PCDH9: variants seen among roughly 807,000 people sequenced by gnomAD.
PCDH9 encodes protocadherin 9.
PCDH9 carries 24 observed loss-of-function variants against 70.6 expected under a neutral mutation model. The observed-to-expected ratio is 0.34, with a 90% CI of 0.25 to 0.48. PCDH9 has a LOEUF of 0.48. Ranked by LOEUF, PCDH9 falls within the 20% of genes least tolerant of loss-of-function variation. The probability of loss-of-function intolerance (pLI) is 0.99; values close to 1 mark genes in which losing one functional copy is unlikely to be tolerated. For missense variants in PCDH9, 1,281 were observed against 1,503.6 expected (o/e 0.85, Z 2.45); for synonymous variants, 562 against 558.5 (o/e 1.01, Z -0.09).
At chr13:66,327,030 G>T (rs1337172339) in intron 4 of PCDH9, among the ~76,000 whole-genome samples, 3 of 151,772 alleles carry the variant, frequency 2.0e-5, no homozygotes, top group East Asian at 3.9e-4. Flanking sequence ...CTCCAAGGCA[G>T]TCCAAATTGT....
Position 66,933,719 on chromosome 13 carries a change from A to C in PCDH9, c.3037-30114T>G, listed in dbSNP as rs144830312. Among the ~76,000 whole-genome samples, 64 of 152,298 alleles carry C rather than the reference A, an allele frequency of 4.2e-4. 2 individuals are homozygous for C. The East Asian group carries it at 0.012, about 28-fold the overall frequency. ...TCAACGTCAGGCAAACAAGGCAAGG[A>C]AAAGTGTCATCAATCAAATCTTAGA... On this transcript the variant is annotated intron_variant, in intron 2 of 4. Coordinates refer to ENST00000377865, the MANE Select transcript of PCDH9 (RefSeq NM_203487.3).
At chr13:66,822,175 A>G (rs1298782142) in intron 3 of PCDH9, among the ~76,000 whole-genome samples, 1 of 151,050 alleles carries the variant, frequency 6.6e-6, no homozygotes, top group Non-Finnish European at 1.5e-5. Context: ...TATAGACATA[A>G]CTACTAAGAT....
rs201107022 is a variant in PCDH9, at chr13:66,633,338, A to G, written c.3139-1927T>C. On this transcript the variant is annotated intron_variant, in intron 3 of 4. Transcript: ENST00000377865. ...GTGAGTGCTATAGAAAAGGCAAGCTAAGCTTGAATATTAATATCTGAAATG... is the reference window on the plus strand; with the variant it reads ...GTGAGTGCTATAGAAAAGGCAAGCTGAGCTTGAATATTAATATCTGAAATG... 2.0e-5 allele frequency among the ~76,000 whole-genome samples: 3 copies of G among 152,186 alleles called. No homozygotes were observed. In the East Asian group the frequency reaches 5.8e-4, roughly 29 times the overall value.
intron 3 of PCDH9, among the ~76,000 whole-genome samples, chr13:66,743,074 G>T (rs1302767405): frequency 2.5e-5 from 2 of 78,804 alleles, no homozygotes; most frequent in East Asian, 6.8e-4. Flanking sequence ...ATTCACAATA[G>T]CAAAGACTTG....
chr13:66,484,301 A>T (rs145870436), intron 4 of PCDH9, among the ~76,000 whole-genome samples: 347 of 152,108 alleles, frequency 2.3e-3, no homozygotes, highest in African/African-American at 8.0e-3. Flanking sequence ...GGGATTCAGG[A>T]ACTGTAAACA....
chr13:66,909,524 C>T (rs1266725251), intron 2 of PCDH9, among the ~76,000 whole-genome samples: 3 of 152,094 alleles, frequency 2.0e-5, no homozygotes, highest in African/African-American at 7.2e-5. Context: ...AATCCCAGCA[C>T]TTTGGGAGGC....
chr13:66,452,271 T>A (rs1958229516), intron 4 of PCDH9, among the ~76,000 whole-genome samples: 1 of 152,188 alleles, frequency 6.6e-6, no homozygotes, highest in South Asian at 2.1e-4. Context: ...AGAACCTCAC[T>A]GTTCTTCAGT....
intron 2 of PCDH9, among the ~76,000 whole-genome samples, chr13:66,919,917 T>A (rs1475311405): frequency 3.3e-5 from 5 of 151,132 alleles, no homozygotes; most frequent in Non-Finnish European, 1.5e-5. Context: ...TTTTAAACTA[T>A]CCTGATGTTC....
chr13:66,975,087 G>A (rs902686945), intron 2 of PCDH9, among the ~76,000 whole-genome samples: 4 of 151,914 alleles, frequency 2.6e-5, no homozygotes, highest in African/African-American at 9.7e-5. Context: ...CCATTAAAAA[G>A]TCCTTATCTT....
chr13:66,350,382 T>C (rs1236191100), intron 4 of PCDH9, among the ~76,000 whole-genome samples: 4 of 152,180 alleles, frequency 2.6e-5, no homozygotes, highest in African/African-American at 9.6e-5. Context: ...TCATTTGACT[T>C]GGAGCAAACA....
intron 2 of PCDH9, among the ~76,000 whole-genome samples, chr13:67,006,201 T>G (rs2139831169): frequency 6.6e-6 from 1 of 152,256 alleles, no homozygotes; most frequent in East Asian, 1.9e-4. Flanking sequence ...CACTCCAGCC[T>G]GGGCGACAGA....
At chr13:66,449,526 T>A (rs560480651) in intron 4 of PCDH9, among the ~76,000 whole-genome samples, 1 of 152,186 alleles carries the variant, frequency 6.6e-6, no homozygotes, top group African/African-American at 2.4e-5. Context: ...CATTTTCCAC[T>A]GTGTTATGGG....
At chr13:66,458,451 T>A (rs1192972840) in intron 4 of PCDH9, among the ~76,000 whole-genome samples, 1 of 152,084 alleles carries the variant, frequency 6.6e-6, no homozygotes, top group Non-Finnish European at 1.5e-5. Context: ...GGAAGCCACA[T>A]CTCCAACAGA....
intron 3 of PCDH9, among the ~76,000 whole-genome samples, chr13:66,834,790 G>A (rs930992251): frequency 1.3e-5 from 2 of 152,188 alleles, no homozygotes; most frequent in African/African-American, 4.8e-5. Context: ...AAATACATCT[G>A]TAAGTGAAGC....
chr13:66,720,961 G>A (rs938551221), intron 3 of PCDH9, among the ~76,000 whole-genome samples: 5 of 152,130 alleles, frequency 3.3e-5, no homozygotes, highest in East Asian at 1.9e-4. Context: ...AGTCCATTAC[G>A]TCTGTGCACC....
intron 3 of PCDH9, among the ~76,000 whole-genome samples, chr13:66,704,001 A>C (rs551395301): frequency 6.6e-6 from 1 of 152,216 alleles, no homozygotes; most frequent in Non-Finnish European, 1.5e-5. Flanking sequence ...ATAAAGAATA[A>C]AAAGTGATCA....
intron 4 of PCDH9, among the ~76,000 whole-genome samples, chr13:66,399,605 T>A (rs957754394): frequency 6.6e-6 from 1 of 152,078 alleles, no homozygotes; most frequent in East Asian, 1.9e-4. Context: ...GCTTATTTTA[T>A]TCTAAGGCAT....
intron 2 of PCDH9, among the ~76,000 whole-genome samples, chr13:67,181,523 T>C (rs927249188): frequency 1.3e-5 from 2 of 152,162 alleles, no homozygotes; most frequent in African/African-American, 4.8e-5. Flanking sequence ...TAAATTATTT[T>C]CTAACTTGCT....
intron 4 of PCDH9, among the ~76,000 whole-genome samples, chr13:66,454,796 A>C (rs892555097): frequency 6.6e-6 from 1 of 152,164 alleles, no homozygotes; most frequent in Non-Finnish European, 1.5e-5. Flanking sequence ...ATCTTTTTAA[A>C]TGTATAGTTG....
Sources: allele counts gnomAD v4.1 joint callset (sites outside exome capture counted in the v4.1 genomes callset), GRCh38; gene constraint gnomAD v4.1.1; transcripts MANE v1.5; gene names NCBI Gene and HGNC (gene_info 2026-07-23, HGNC 2026-07-21).